The following LYRM4 variants were observed in gnomAD, a reference collection of about 807,000 sequenced individuals.
LYRM4 encodes the protein LYR motif containing 4.
A neutral mutation model predicts 11.7 loss-of-function variants in LYRM4; 9 were observed. The ratio of observed to expected loss-of-function variants is 0.77; its 90% CI spans 0.46 to 1.34. The LOEUF is 1.34. Ranked by LOEUF, LYRM4 falls within the 40% of genes most tolerant of loss-of-function variation. The pLI, the probability that LYRM4 is intolerant of heterozygous loss-of-function variation, is 0.00. For missense variants in LYRM4, 133 were observed against 112.5 expected (o/e 1.18, Z -0.82); for synonymous variants, 42 against 40.4 (o/e 1.04, Z -0.15).
chr6:5,116,937 C>T (rs1019459064), intron 2 of LYRM4, among the ~76,000 whole-genome samples: 18 of 152,236 alleles, frequency 1.2e-4, no homozygotes, highest in Non-Finnish European at 2.2e-4. Flanking sequence ...CGCAACACAT[C>T]TCTATCTGAT....
At chr6:5,200,228 T>C (rs1447763048) in intron 2 of LYRM4, among the ~76,000 whole-genome samples, 1 of 152,172 alleles carries the variant, frequency 6.6e-6, no homozygotes, top group East Asian at 1.9e-4. Context: ...ACAATTTGTA[T>C]GGGTAGCAAA....
the LYRM4 span, among the ~76,000 whole-genome samples, chr6:5,071,941 G>A: frequency 6.6e-6 from 1 of 152,084 alleles, no homozygotes; most frequent in Non-Finnish European, 1.5e-5. Context: ...CACCACACCT[G>A]GCTCATTAGC....
At chr6:5,120,990 G>A (rs1359120395) in intron 2 of LYRM4, among the ~76,000 whole-genome samples, 1 of 152,152 alleles carries the variant, frequency 6.6e-6, no homozygotes, top group Non-Finnish European at 1.5e-5. Context: ...GGGGGTGGGG[G>A]CACGCATGTC....
intron 2 of LYRM4, among the ~76,000 whole-genome samples, chr6:5,141,721 G>A (rs933794836): frequency 6.6e-6 from 1 of 152,146 alleles, no homozygotes; most frequent in African/African-American, 2.4e-5. Flanking sequence ...GAGCTTTTGA[G>A]GGAGGCTTTT....
intron 1 of LYRM4, among the ~76,000 whole-genome samples, chr6:5,257,589 C>T (rs71557555): frequency 0.013 from 1,935 of 152,270 alleles, 36 homozygotes; most frequent in African/African-American, 0.036. Flanking sequence ...AGCAGTTGAG[C>T]GGTGGGTGAG....
intron 2 of LYRM4, among the ~76,000 whole-genome samples, chr6:5,154,538 C>A (rs775182920): frequency 6.6e-6 from 1 of 151,840 alleles, no homozygotes; most frequent in Non-Finnish European, 1.5e-5. Context: ...CGGATTCGGC[C>A]GGGCGCGGTG....
chr6:5,127,542 G>A lies in LYRM4; in HGVS notation c.208-18051C>T, dbSNP rs200879996. Among the ~76,000 whole-genome samples the A allele has an allele frequency of 3.5e-4, 54 of 152,286 alleles. 1 individual carries two copies. In the East Asian group the frequency reaches 4.0e-3, roughly 11 times the overall value. On this transcript the variant is annotated intron_variant, in intron 2 of 2. Coordinates refer to ENST00000330636, the MANE Select transcript of LYRM4 (RefSeq NM_020408.6). ...TTGGACATGTGGCTGTTTAGCACTT[G>A]AAATATGGCTGGTCCAAACAGAGAT...
chr6:5,193,994 G>C (rs1192517954), intron 2 of LYRM4, among the ~76,000 whole-genome samples: 1 of 147,280 alleles, frequency 6.8e-6, no homozygotes, highest in Non-Finnish European at 1.5e-5. Context: ...CGTTATGTAG[G>C]CCAGGTCTGA....
At chr6:5,227,734 C>A (rs1292955626) in intron 1 of LYRM4, among the ~76,000 whole-genome samples, 7 of 152,134 alleles carry the variant, frequency 4.6e-5, no homozygotes. Context: ...GGAACCAACC[C>A]AAATGCTCAT....
At chr6:5,153,514 G>A (rs544990411) in intron 2 of LYRM4, among the ~76,000 whole-genome samples, 2 of 152,288 alleles carry the variant, frequency 1.3e-5, no homozygotes, top group East Asian at 1.9e-4. Flanking sequence ...GCTGCTGTTC[G>A]GTGTGACCGG....
chr6:5,049,238 A>G, the LYRM4 span, among the ~76,000 whole-genome samples: 10 of 152,284 alleles, frequency 6.6e-5, no homozygotes, highest in Admixed American at 3.3e-4. Context: ...CCTCTTCTCC[A>G]GAGATAACAT....
intron 2 of LYRM4, among the ~76,000 whole-genome samples, chr6:5,147,984 G>A (rs1757826784): frequency 6.6e-6 from 1 of 152,170 alleles, no homozygotes; most frequent in Admixed American, 6.5e-5. Context: ...AACAATCTCT[G>A]TCTTCTTTCA....
At chr6:5,169,321 G>A (rs561855172) in intron 2 of LYRM4, among the ~76,000 whole-genome samples, 2 of 152,182 alleles carry the variant, frequency 1.3e-5, no homozygotes, top group South Asian at 4.1e-4. Context: ...AGATAAAACT[G>A]GCCAGAATAA....
intron 1 of LYRM4, among the ~76,000 whole-genome samples, chr6:5,248,962 A>G (rs2127767108): frequency 6.6e-6 from 1 of 152,376 alleles, no homozygotes; most frequent in Non-Finnish European, 1.5e-5. Flanking sequence ...TATTACAGTG[A>G]CAGAGTTCTT....
At chr6:5,056,809 C>T in the LYRM4 span, among the ~76,000 whole-genome samples, 5 of 152,294 alleles carry the variant, frequency 3.3e-5, no homozygotes, top group East Asian at 9.6e-4. Context: ...AAGAAAATGT[C>T]TACCAGATGC....
chr6:5,080,282 T>TA, the LYRM4 span, among the ~76,000 whole-genome samples: 2 of 152,220 alleles, frequency 1.3e-5, no homozygotes, highest in African/African-American at 4.8e-5. Flanking sequence ...CATGCCTTGT[T>TA]GCCACATAAA....
chr6:5,101,984 T>TTTTTTG (rs1561796364), downstream of LYRM4, among the ~76,000 whole-genome samples: 1 of 144,598 alleles, frequency 6.9e-6, no homozygotes, highest in Admixed American at 7.0e-5. Flanking sequence ...TTTTTTTTTT[T>TTTTTTG]GGAGAGTTAT....
chr6:5,247,142 T>C (rs1232712559), intron 1 of LYRM4, among the ~76,000 whole-genome samples: 4 of 152,152 alleles, frequency 2.6e-5, no homozygotes, highest in Admixed American at 2.6e-4. Context: ...CAGGGTCTGC[T>C]CTGGTTTGGT....
intron 1 of LYRM4, among the ~76,000 whole-genome samples, chr6:5,241,292 T>C (rs966251884): frequency 1.3e-5 from 2 of 152,214 alleles, no homozygotes; most frequent in African/African-American, 2.4e-5. Flanking sequence ...GTCTATAACA[T>C]ACAGTGCGTG....
Sources: gnomAD v4.1 joint callset for allele counts (sites outside exome capture counted in the v4.1 genomes callset) on GRCh38, gnomAD v4.1.1 for gene constraint, MANE v1.5 for transcripts, NCBI Gene and HGNC (gene_info 2026-07-23, HGNC 2026-07-21) for gene names.